The following KIAA1549L variants were observed in gnomAD, a reference collection of about 807,000 sequenced individuals.
KIAA1549L encodes the protein UPF0606 protein KIAA1549L.
KIAA1549L carries 88 observed loss-of-function variants against 160.7 expected under a neutral mutation model. The observed-to-expected ratio is 0.55, with a 90% CI of 0.46 to 0.65. The LOEUF (loss-of-function observed/expected upper bound fraction) is 0.65, where lower values mean the gene tolerates loss of function less well. Ranked by LOEUF, KIAA1549L falls within the 30% of genes least tolerant of loss-of-function variation. The pLI is 0.00. For missense variants in KIAA1549L, 2,258 were observed against 2,437.5 expected (o/e 0.93, Z 1.55); for synonymous variants, 950 against 976.7 (o/e 0.97, Z 0.51).
chr11:33,451,942 T>G (rs137946395), intron 1 of KIAA1549L, among the ~76,000 whole-genome samples: 23 of 152,300 alleles, frequency 1.5e-4, no homozygotes, highest in African/African-American at 5.3e-4. Flanking sequence ...CAATATCAGC[T>G]GAGGAAACTG....
At chr11:33,388,173 T>G (rs1311092828) in intron 1 of KIAA1549L, among the ~76,000 whole-genome samples, 4 of 152,164 alleles carry the variant, frequency 2.6e-5, no homozygotes, top group Non-Finnish European at 5.9e-5. Context: ...AGAAGTTTAG[T>G]TGACTCACAG....
chr11:33,607,726 T>C (rs892345597), intron 14 of KIAA1549L, among the ~76,000 whole-genome samples: 3 of 152,178 alleles, frequency 2.0e-5, no homozygotes, highest in Admixed American at 6.5e-5. Flanking sequence ...TCAAGGAACA[T>C]GCTATGGCCC....
intron 1 of KIAA1549L, among the ~76,000 whole-genome samples, chr11:33,476,322 G>A (rs776041976): frequency 1.8e-4 from 27 of 152,292 alleles, no homozygotes; most frequent in African/African-American, 6.0e-4. Flanking sequence ...ATCTCTCTCT[G>A]TGGTCAGCCC....
chr11:33,476,207 T>A (rs184774923), intron 1 of KIAA1549L, among the ~76,000 whole-genome samples: 1 of 152,344 alleles, frequency 6.6e-6, no homozygotes, highest in Admixed American at 6.5e-5. Flanking sequence ...AAGTTTACTC[T>A]GTAATCAGGG....
chr11:33,461,298 C>A (rs1268269571), intron 1 of KIAA1549L, among the ~76,000 whole-genome samples: 1 of 152,134 alleles, frequency 6.6e-6, no homozygotes, highest in Non-Finnish European at 1.5e-5. Flanking sequence ...AGGCACTTAA[C>A]CCATCTCACT....
intron 16 of KIAA1549L, among the ~76,000 whole-genome samples, chr11:33,630,670 G>C (rs143548540): frequency 6.6e-6 from 1 of 151,604 alleles, no homozygotes; most frequent in Non-Finnish European, 1.5e-5. Flanking sequence ...AGTGACCTGC[G>C]CCCACTGTCT....
At chr11:33,563,505 G>A (rs572767855) in intron 8 of KIAA1549L, among the ~76,000 whole-genome samples, 106 of 151,992 alleles carry the variant, frequency 7.0e-4, no homozygotes, top group Admixed American at 1.6e-3. Flanking sequence ...TCTCACTTGC[G>A]GTCCCAAGCA....
intron 1 of KIAA1549L, among the ~76,000 whole-genome samples, chr11:33,452,779 C>G (rs1565143464): frequency 2.0e-5 from 3 of 152,078 alleles, no homozygotes; most frequent in Admixed American, 2.0e-4. Context: ...TCTGAGGGTC[C>G]CTCGCCCCTG....
intron 1 of KIAA1549L, among the ~76,000 whole-genome samples, chr11:33,496,534 A>T (rs1283416222): frequency 6.6e-6 from 1 of 152,164 alleles, no homozygotes; most frequent in African/African-American, 2.4e-5. Context: ...TTCAGTGTGG[A>T]TGGCTTCCAA....
intron 1 of KIAA1549L, among the ~76,000 whole-genome samples, chr11:33,430,700 G>A (rs1590238702): frequency 6.6e-6 from 1 of 152,208 alleles, no homozygotes; most frequent in African/African-American, 2.4e-5. Context: ...GTAGAGTCAT[G>A]TAGGCAGCCA....
intron 1 of KIAA1549L, among the ~76,000 whole-genome samples, chr11:33,488,939 A>G (rs1425352178): frequency 1.3e-5 from 2 of 152,196 alleles, no homozygotes; most frequent in Non-Finnish European, 2.9e-5. Context: ...CTCTCTCTAG[A>G]TATTTGCATA....
intron 1 of KIAA1549L, among the ~76,000 whole-genome samples, chr11:33,412,773 G>A (rs1206560526): frequency 6.6e-6 from 1 of 152,200 alleles, no homozygotes; most frequent in Non-Finnish European, 1.5e-5. Context: ...ATCTGTTGAA[G>A]TATTATGTAA....
intron 8 of KIAA1549L, among the ~76,000 whole-genome samples, chr11:33,562,209 T>G (rs1854882874): frequency 6.6e-6 from 1 of 152,196 alleles, no homozygotes; most frequent in Non-Finnish European, 1.5e-5. Context: ...GGGGTTCTTT[T>G]GGTGGCATTT....
chr11:33,464,919 A>C (rs1852020426), intron 1 of KIAA1549L, among the ~76,000 whole-genome samples: 1 of 151,932 alleles, frequency 6.6e-6, no homozygotes, highest in African/African-American at 2.4e-5. Flanking sequence ...GCTAGATTGA[A>C]CTTCGTGCAA....
At chr11:33,618,998 A>T (rs1246154089) in intron 16 of KIAA1549L, among the ~76,000 whole-genome samples, 2 of 152,196 alleles carry the variant, frequency 1.3e-5, no homozygotes, top group Admixed American at 1.3e-4. Context: ...ATGGGTTAGA[A>T]TTCACTTGAA....
rs181174640 is a variant in KIAA1549L, at chr11:33,523,798, A to C, written c.239-18004A>C. ...CAATTTATGTGTTATTAAATAATTTATTAAATGTACACACATAATTTTTAT... is the reference window on the plus strand; with the variant it reads ...CAATTTATGTGTTATTAAATAATTTCTTAAATGTACACACATAATTTTTAT... On this transcript the variant is annotated intron_variant, in intron 1 of 20. Coordinates refer to ENST00000658780, the MANE Select transcript of KIAA1549L (RefSeq NM_012194.3). Among the ~76,000 whole-genome samples the C allele has an allele frequency of 1.2e-3, 180 of 152,322 alleles. No homozygotes were observed. In the South Asian group the frequency reaches 0.025, roughly 21 times the overall value.
At chr11:33,547,371 G>A (rs192692940) in intron 3 of KIAA1549L, among the ~76,000 whole-genome samples, 3 of 152,314 alleles carry the variant, frequency 2.0e-5, no homozygotes, top group Non-Finnish European at 4.4e-5. Flanking sequence ...GGTGGGGATG[G>A]CACCTTCCTG....
intron 10 of KIAA1549L, among the ~76,000 whole-genome samples, chr11:33,575,333 G>A (rs747775203): frequency 1.2e-4 from 19 of 152,226 alleles, no homozygotes; most frequent in Non-Finnish European, 2.1e-4. Flanking sequence ...GGAAAGTGCT[G>A]TAAAAGGCAG....
chr11:33,479,356 G>A (rs187836821), intron 1 of KIAA1549L, among the ~76,000 whole-genome samples: 1 of 152,208 alleles, frequency 6.6e-6, no homozygotes. Flanking sequence ...AGGAAGAAAA[G>A]CCAGAATGTG....
Sources: allele counts gnomAD v4.1 joint callset (sites outside exome capture counted in the v4.1 genomes callset), GRCh38; gene constraint gnomAD v4.1.1; transcripts MANE v1.5; gene names NCBI Gene and HGNC (gene_info 2026-07-23, HGNC 2026-07-21).